Variants in FBXO10 observed in about 807,000 individuals in gnomAD.
FBXO10 encodes F-box protein 10, also known as F-box only protein 10.
A neutral mutation model predicts 80.7 loss-of-function variants in FBXO10; 39 were observed. That is an observed-to-expected ratio of 0.48 (90% CI 0.37 to 0.63). The LOEUF is 0.63. FBXO10 is among the 30% of genes least tolerant of loss of function. The probability of loss-of-function intolerance (pLI) is 0.00; values close to 1 mark genes in which losing one functional copy is unlikely to be tolerated. For missense variants in FBXO10, 1,025 were observed against 1,269.0 expected (o/e 0.81, Z 2.92); for synonymous variants, 449 against 489.6 (o/e 0.92, Z 1.09).
At chr9:37,541,865 C>T in intron 1 of FBXO10, 91 bp from the exon 2 acceptor site, 1 of 1,098,332 alleles carries the variant, frequency 9.1e-7, no homozygotes. Context: ...TTTCACTCTT[C>T]TTGCCCAGGC....
chr9:37,541,176 ATACCCACCT>A lies in FBXO10; in HGVS notation c.584_585+7del. ...CTAGAAAGGCCGTCTATTGATGTGGATACCCACCTTATACATGATGGGTGAGAACCAGGC... is the reference window on the plus strand; with the variant it reads ...CTAGAAAGGCCGTCTATTGATGTGGATATACATGATGGGTGAGAACCAGGC... On this transcript the variant is annotated splice_donor_variant and splice_donor_5th_base_variant and coding_sequence_variant and intron_variant, in exon 2 of 11. Coordinates refer to ENST00000432825, the MANE Select transcript of FBXO10 (RefSeq NM_012166.3). LOFTEE classifies it high-confidence loss of function. The A allele has an allele frequency of 6.3e-7, 1 of 1,584,400 alleles. No individual in the cohort carries two copies. The highest frequency in any genetic ancestry group is 8.6e-7 in the Non-Finnish European group (1 of 1,166,860).
At chr9:37,539,522 A>G (rs1040631302) in intron 2 of FBXO10, among the ~76,000 whole-genome samples, 2 of 152,240 alleles carry the variant, frequency 1.3e-5, no homozygotes, top group Non-Finnish European at 2.9e-5. Flanking sequence ...AGGATCTATG[A>G]CTATACTTCT....
At chr9:37,556,865 A>C (rs1822349768) in intron 1 of FBXO10, among the ~76,000 whole-genome samples, 1 of 152,182 alleles carries the variant, frequency 6.6e-6, no homozygotes, top group African/African-American at 2.4e-5. Context: ...TCTTTAATGG[A>C]ATATGTCAAA....
intron 4 of FBXO10, among the ~76,000 whole-genome samples, chr9:37,530,589 G>A (rs569991108): frequency 5.3e-5 from 8 of 152,344 alleles, no homozygotes; most frequent in African/African-American, 1.7e-4. Context: ...GAAGGGGTTG[G>A]CAGGAGACAC....
At chr9:37,569,490 A>C (rs1229915226) in intron 1 of FBXO10, among the ~76,000 whole-genome samples, 1 of 138,172 alleles carries the variant, frequency 7.2e-6, no homozygotes, top group African/African-American at 2.5e-5. Flanking sequence ...AGGAAAAAAA[A>C]AAACACCCAG....
intron 7 of FBXO10, chr9:37,522,272 A>G (rs1327687208): frequency 6.0e-6 from 5 of 836,352 alleles, no homozygotes; most frequent in Non-Finnish European, 7.3e-6. Context: ...AATGGGGTTA[A>G]TAACCGTGCC....
intron 1 of FBXO10, among the ~76,000 whole-genome samples, chr9:37,561,775 C>T (rs1822490748): frequency 6.6e-6 from 1 of 152,158 alleles, no homozygotes; most frequent in South Asian, 2.1e-4. Context: ...AAGATATTAA[C>T]ATAAATGCTA....
intron 3 of FBXO10, among the ~76,000 whole-genome samples, chr9:37,534,410 C>G (rs531888262): frequency 1.9e-4 from 29 of 152,088 alleles, no homozygotes; most frequent in Non-Finnish European, 3.7e-4. Flanking sequence ...GCAGTGAGCC[C>G]AGATCGTGCC....
rs113615896 is a variant in FBXO10, at chr9:37,548,372, G to A, written c.-6-6598C>T. Among the ~76,000 whole-genome samples the A allele has an allele frequency of 6.2e-3, 938 of 152,214 alleles. 9 individuals carry two copies. Among genetic ancestry groups the A allele is most frequent in the African/African-American group, 0.022 (895 of 41,518 alleles). ...TGCACTCCAGCCTGGGCAACACAGC[G>A]AGACTCCATCTCAAAAAATAAAAAA... On this transcript the variant is annotated intron_variant, in intron 1 of 10. Coordinates refer to ENST00000432825, the MANE Select transcript of FBXO10 (RefSeq NM_012166.3).
At chr9:37,529,837 CTT>C (rs34740759) in intron 4 of FBXO10, among the ~76,000 whole-genome samples, 21 of 140,724 alleles carry the variant, frequency 1.5e-4, no homozygotes, top group Non-Finnish European at 6.2e-5. Flanking sequence ...CAAGAGATAT[CTT>C]TTTTTTTTTT....
rs1339713857 is a variant in FBXO10, at chr9:37,522,872, A to C, written c.1883T>G (p.Val628Gly). The change falls in exon 7 of 11, where the codon GTT becomes GGT. Residue 628 changes from valine to glycine, a missense_variant. By Grantham distance (109) the Val-to-Gly change is moderately radical. Transcript: ENST00000432825. Reference sequence around the variant, plus strand: ...GAGGCCTTTGCCTTCGTCTCCCACAACCACACCATCTGAATAGCCAAAGCA... The same window carrying C: ...GAGGCCTTTGCCTTCGTCTCCCACACCCACACCATCTGAATAGCCAAAGCA... ...LICFGYSDGV[V>G]VGDEGKGLIE... 1 of 1,556,642 alleles carries C rather than the reference A, an allele frequency of 6.4e-7. No homozygotes were observed. The highest frequency in any genetic ancestry group is 8.7e-7 in the Non-Finnish European group (1 of 1,149,988).
intron 5 of FBXO10, among the ~76,000 whole-genome samples, chr9:37,526,152 T>C (rs1193496534): frequency 6.6e-6 from 1 of 151,928 alleles, no homozygotes; most frequent in Non-Finnish European, 1.5e-5. Context: ...AGGGGACAGA[T>C]CAGTGTACCA....
chr9:37,541,129 G>GTT, intron 2 of FBXO10, 55 bp downstream of exon 2: 1 of 1,465,488 alleles, frequency 6.8e-7, no homozygotes, highest in Non-Finnish European at 9.2e-7. Context: ...CCAGAAAAGA[G>GTT]GGCAAGCCTC....
At chr9:37,523,531 T>C (rs1415202144) in intron 6 of FBXO10, among the ~76,000 whole-genome samples, 1 of 152,112 alleles carries the variant, frequency 6.6e-6, no homozygotes, top group African/African-American at 2.4e-5. Context: ...CTGGCCTGGA[T>C]GACAGACTGA....
intron 1 of FBXO10, among the ~76,000 whole-genome samples, chr9:37,544,753 G>T (rs1822009334): frequency 6.6e-6 from 1 of 152,082 alleles, no homozygotes; most frequent in Admixed American, 6.5e-5. Flanking sequence ...CCAGCACTTT[G>T]GGAGGCCGAG....
At chr9:37,558,009 C>G (rs543557227) in intron 1 of FBXO10, among the ~76,000 whole-genome samples, 7 of 152,212 alleles carry the variant, frequency 4.6e-5, no homozygotes, top group African/African-American at 1.7e-4. Context: ...AGAGCTTTGA[C>G]GTACTTGTTA....
chr9:37,563,514 A>G (rs1057074657), intron 1 of FBXO10, among the ~76,000 whole-genome samples: 6 of 152,188 alleles, frequency 3.9e-5, no homozygotes, highest in Non-Finnish European at 8.8e-5. Context: ...GAAAGTTTGG[A>G]GCTTCTTAGG....
rs370211193 is a variant in FBXO10 at position 37,537,876 on chromosome 9, G to C, written c.653C>G (p.Pro218Arg). The part of the protein sequence containing the change: ...FENGHIQVHG[P>R]GTCQVKFCTF... ...ACAGAACTTCACTTGGCAAGTACCC[G>C]GGCCATGGACCTGGATGTGCCCGTT... is the stretch of plus-strand genomic sequence containing the variant. Residue 218 changes from proline (P) to arginine (R), a missense_variant, in exon 3 of 11, where the codon CCG (proline) becomes CGG (arginine). Pro to Arg is a moderately radical substitution (Grantham distance 103, BLOSUM62 -2). Around this residue, in one of 3 missense-constraint regions of FBXO10, gnomAD observed 450 missense variants for 499.4 expected, o/e 0.90. Transcript: ENST00000432825. The C allele has an allele frequency of 1.2e-6, 2 of 1,613,840 alleles. No homozygotes were observed. The highest frequency in any genetic ancestry group is 2.2e-5 in the South Asian group (2 of 91,094).
chr9:37,521,445 G>GCATCTTTGACATTAAAGTTTA, intron 8 of FBXO10, 124 bp downstream of exon 8: 2 of 1,223,878 alleles, frequency 1.6e-6, no homozygotes, highest in Non-Finnish European at 2.2e-6. Context: ...ACCCAGGTTT[G>GCATCTTTGACATTAAAGTTTA]CATCTTTGAC....
Sources: allele counts gnomAD v4.1 joint callset (sites outside exome capture counted in the v4.1 genomes callset), GRCh38; gene constraint gnomAD v4.1.1; regional missense constraint gnomAD v4.1.1; transcripts MANE v1.5; gene names NCBI Gene and HGNC (gene_info 2026-07-23, HGNC 2026-07-21).